The following GUCY1A1 variants were observed in gnomAD, a reference collection of about 807,000 sequenced individuals.
GUCY1A1 encodes guanylate cyclase 1 soluble subunit alpha 1, also known as guanylate cyclase soluble subunit alpha-1.
GUCY1A1 carries 48 observed loss-of-function variants against 64.5 expected under a neutral mutation model. That is an observed-to-expected ratio of 0.74 (90% confidence interval 0.59 to 0.95). The LOEUF is 0.95. Ranked by LOEUF, GUCY1A1 falls within the 40% of genes least tolerant of loss-of-function variation. GUCY1A1 has a pLI of 0.00. For synonymous variants in GUCY1A1, 308 were observed against 303.4 expected (o/e 1.02, Z -0.16); for missense variants, 804 against 825.3 (o/e 0.97, Z 0.32).
At position 155,732,116 on chromosome 4, in the gene GUCY1A1, T is replaced by C. The variant is rs1735621456; in HGVS notation, c.*1885T>C. On this transcript the variant is annotated 3_prime_UTR_variant, in exon 10 of 10. Transcript: ENST00000506455. ...AGCATGAAATGGAATGTAGTCTTGA[T>C]CAAACATTTCAGCAGACCTCAATTT... is the stretch of plus-strand genomic sequence containing the variant. 1.3e-5 allele frequency: 2 copies of C among 151,846 alleles called. No homozygotes were observed. The highest frequency in any genetic ancestry group is 2.1e-4 in the South Asian group (1 of 4,832). The allele number at this position is 151,846 out of a possible 1,614,324, so 9.4% of individuals were successfully genotyped here. A position where few individuals can be genotyped will look rare whatever the true frequency, so the allele number is the denominator to read the frequency against.
In GUCY1A1 at chr4:155,713,022, C is replaced by G. The variant is rs1330750548; in HGVS notation, c.1087-76C>G. On this transcript the variant is annotated intron_variant, in intron 6 of 9. Transcript: ENST00000506455. ...AAACACAAAGGGTTTATTACTGTATCTACTTCCCCTTCTTTTGTCTCAGAA... is the reference window on the plus strand; with the variant it reads ...AAACACAAAGGGTTTATTACTGTATGTACTTCCCCTTCTTTTGTCTCAGAA... 5 of 1,262,624 alleles carry G rather than the reference C, an allele frequency of 4.0e-6. No homozygotes were observed. In the African/African-American group the frequency reaches 6.0e-5, roughly 15 times the overall value. 78.2% of individuals were successfully genotyped at this position (1,262,624 alleles called of 1,614,324 possible).
At chr4:155,702,656 T>C (rs923351135) in intron 3 of GUCY1A1, among the ~76,000 whole-genome samples, 5 of 152,234 alleles carry the variant, frequency 3.3e-5, no homozygotes, top group African/African-American at 1.2e-4. Flanking sequence ...TGAAAAATTG[T>C]TCCACATTGT....
chr4:155,719,841 C>T (rs910427422), intron 8 of GUCY1A1, among the ~76,000 whole-genome samples: 6 of 152,128 alleles, frequency 3.9e-5, no homozygotes, highest in Non-Finnish European at 7.4e-5. Flanking sequence ...GGCTATGCCA[C>T]AAGTGGTCTC....
chr4:155,690,982 A>G (rs1423504721), intron 2 of GUCY1A1, among the ~76,000 whole-genome samples: 1 of 152,244 alleles, frequency 6.6e-6, no homozygotes, highest in Non-Finnish European at 1.5e-5. Flanking sequence ...ATCCAGTAAT[A>G]CCAAAGAATC....
At position 155,734,706 on chromosome 4, in the gene GUCY1A1, AT is replaced by A. The variant is rs1735894624; in HGVS notation, c.*4477del. The A allele has an allele frequency of 6.6e-6, 1 of 151,958 alleles. No individual in the cohort carries two copies. The highest frequency in any genetic ancestry group is 1.5e-5 in the Non-Finnish European group (1 of 67,922). The allele number at this position is 151,958 out of a possible 1,614,324, so 9.4% of individuals were successfully genotyped here. A position where few individuals can be genotyped will look rare whatever the true frequency, so the allele number is the denominator to read the frequency against. On this transcript the variant is annotated 3_prime_UTR_variant, in exon 10 of 10. Coordinates refer to ENST00000506455, the MANE Select transcript of GUCY1A1 (RefSeq NM_001130682.3). ...ACTTACCGTCTCCTCCAAAACAGAA[AT>A]TCAGTGCTGCAGAGACGGTAGCAAA...
chr4:155,717,991 A>G (rs1161920469), intron 8 of GUCY1A1, among the ~76,000 whole-genome samples: 1 of 152,168 alleles, frequency 6.6e-6, no homozygotes, highest in African/African-American at 2.4e-5. Context: ...ATGGATGTTG[A>G]CTGTTAATTC....
rs1032602146 is a variant in GUCY1A1, at chr4:155,731,090, A to T, written c.*859A>T. 1.4e-4 allele frequency: 21 copies of T among 153,104 alleles called. No individual in the cohort carries two copies. Among genetic ancestry groups the T allele is most frequent in the Non-Finnish European group, 2.7e-4 (18 of 67,854 alleles). The allele number at this position is 153,104 out of a possible 1,614,324, so 9.5% of individuals were successfully genotyped here. A position where few individuals can be genotyped will look rare whatever the true frequency, so the allele number is the denominator to read the frequency against. On this transcript the variant is annotated 3_prime_UTR_variant, in exon 10 of 10. Transcript: ENST00000506455. Reference sequence around the variant, plus strand: ...TTCAAATCTAATTTAGCTGGAAGCAACATGGGAGTAAAGTAATCATCCAGG... The same window carrying T: ...TTCAAATCTAATTTAGCTGGAAGCATCATGGGAGTAAAGTAATCATCCAGG...
intron 9 of GUCY1A1, chr4:155,722,442 T>C (rs982637753): frequency 2.3e-6 from 3 of 1,303,130 alleles, no homozygotes; most frequent in South Asian, 3.7e-5. Context: ...TCTTCCATCA[T>C]TCTTCTTTTA....
At chr4:155,725,599 T>C (rs577622943) in intron 9 of GUCY1A1, among the ~76,000 whole-genome samples, 1 of 152,232 alleles carries the variant, frequency 6.6e-6, no homozygotes, top group Admixed American at 6.5e-5. Flanking sequence ...TTTTCTTCTA[T>C]ATTGATTGTT....
At chr4:155,693,391 C>G (rs1397713396) in intron 2 of GUCY1A1, among the ~76,000 whole-genome samples, 1 of 152,158 alleles carries the variant, frequency 6.6e-6, no homozygotes, top group Non-Finnish European at 1.5e-5. Context: ...ACTACCATCT[C>G]TACAACCAAC....
At chr4:155,687,218 CA>C (rs935836701) in intron 2 of GUCY1A1, among the ~76,000 whole-genome samples, 73 of 150,834 alleles carry the variant, frequency 4.8e-4, no homozygotes, top group Non-Finnish European at 7.8e-4. Context: ...TTGTATGTAC[CA>C]AAAAAAAATT....
intron 2 of GUCY1A1, among the ~76,000 whole-genome samples, chr4:155,674,481 T>C (rs1032003604): frequency 2.0e-5 from 3 of 151,410 alleles, no homozygotes; most frequent in Admixed American, 6.5e-5. Flanking sequence ...TAAAGAAGGG[T>C]TAGATTACAA....
intron 2 of GUCY1A1, among the ~76,000 whole-genome samples, chr4:155,678,994 ATTGT>A (rs1469914257): frequency 2.0e-5 from 3 of 152,152 alleles, no homozygotes; most frequent in Non-Finnish European, 2.9e-5. Context: ...TTAAAATGGA[ATTGT>A]TTATTTTCTT....
At chr4:155,671,022 T>G (rs182770372) in intron 2 of GUCY1A1, among the ~76,000 whole-genome samples, 59 of 151,654 alleles carry the variant, frequency 3.9e-4, no homozygotes, top group Non-Finnish European at 7.5e-4. Context: ...TGTCTGCATC[T>G]CCCATTAAAC....
chr4:155,695,596 T>G (rs956381186), intron 2 of GUCY1A1, among the ~76,000 whole-genome samples: 38 of 152,216 alleles, frequency 2.5e-4, no homozygotes, highest in African/African-American at 8.9e-4. Context: ...TGGAGTCAGC[T>G]GAATCTGCAT....
intron 2 of GUCY1A1, among the ~76,000 whole-genome samples, chr4:155,684,411 T>C (rs548011265): frequency 6.6e-6 from 1 of 152,282 alleles, no homozygotes; most frequent in Non-Finnish European, 1.5e-5. Flanking sequence ...GCTAACCTGA[T>C]TCCAGCATAA....
chr4:155,711,120 A>G lies in GUCY1A1; in HGVS notation c.955A>G (p.Asn319Asp). The change falls in exon 6 of 10, where the codon AAT (asparagine) becomes GAT (aspartate). Residue 319 changes from asparagine to aspartate, a missense_variant. By Grantham distance (23) the Asn-to-Asp change is conservative. Transcript: ENST00000506455. ...MNRRDFQGKP[N>D]FEEYFEILTP... ...CAGGAGAGACTTTCAAGGAAAGCCT[A>G]ATTTTGAAGAATACTTTGAAATTCT... The G allele has an allele frequency of 1.2e-6, 2 of 1,613,622 alleles. No individual in the cohort carries two copies. Among genetic ancestry groups the G allele is most frequent in the South Asian group, 1.1e-5 (1 of 91,074 alleles).
At chr4:155,729,225 A>G (rs1278133735) in intron 9 of GUCY1A1, among the ~76,000 whole-genome samples, 1 of 151,850 alleles carries the variant, frequency 6.6e-6, no homozygotes, top group East Asian at 1.9e-4. Context: ...ACCCACAGCC[A>G]TGCAACATTT....
chr4:155,667,689 G>C (rs1225152334), intron 2 of GUCY1A1: 2 of 151,532 alleles, frequency 1.3e-5, no homozygotes, highest in East Asian at 3.9e-4. Context: ...GAGCAGCGCC[G>C]CGCCGGCTGC....
Sources: allele counts gnomAD v4.1 joint callset (sites outside exome capture counted in the v4.1 genomes callset), GRCh38; gene constraint gnomAD v4.1.1; transcripts MANE v1.5; gene names NCBI Gene and HGNC (gene_info 2026-07-23, HGNC 2026-07-21).